The following EPCIP variants were observed in gnomAD, a reference collection of about 807,000 sequenced individuals.
The protein encoded by EPCIP is exosomal polycystin 1 interacting protein, also known as exosomal polycystin-1-interacting protein.
chr21:32,800,451 G>T, the EPCIP span, among the ~76,000 whole-genome samples: 1 of 152,182 alleles, frequency 6.6e-6, no homozygotes, highest in Admixed American at 6.5e-5. Context: ...AGTAGCTCTG[G>T]TTTTTAAACA....
At chr21:32,799,480 C>T in the EPCIP span, among the ~76,000 whole-genome samples, 2 of 152,146 alleles carry the variant, frequency 1.3e-5, no homozygotes, top group East Asian at 3.8e-4. Flanking sequence ...CAGTGTGTTC[C>T]TTGGGGTGCC....
At chr21:32,800,000 C>T in the EPCIP span, among the ~76,000 whole-genome samples, 108,677 of 151,732 alleles carry the variant, frequency 0.72, 39,722 homozygotes, top group East Asian at 0.91. Flanking sequence ...TTCCAAATTA[C>T]GTTTTTAAAT....
chr21:32,808,298 A>AG, the EPCIP span, among the ~76,000 whole-genome samples: 1 of 133,542 alleles, frequency 7.5e-6, no homozygotes, highest in African/African-American at 3.0e-5. Flanking sequence ...GAGATGAGAG[A>AG]AAAAAAAAAA....
chr21:32,793,915 G>A, the EPCIP span: 1 of 1,614,214 alleles, frequency 6.2e-7, no homozygotes, highest in Non-Finnish European at 8.5e-7. Flanking sequence ...CCATATCTAA[G>A]AATGAGATAT....
At chr21:32,794,916 C>G in the EPCIP span, among the ~76,000 whole-genome samples, 2 of 152,242 alleles carry the variant, frequency 1.3e-5, no homozygotes, top group South Asian at 4.1e-4. Flanking sequence ...TTTCCTCCCC[C>G]TCAATATCTG....
the EPCIP span, chr21:32,797,361 G>A: frequency 9.8e-6 from 2 of 205,028 alleles, no homozygotes; most frequent in Non-Finnish European, 2.0e-5. Context: ...CGATTGTCTT[G>A]TCTCAGCCTC....
chr21:32,807,014 A>C, the EPCIP span, among the ~76,000 whole-genome samples: 14 of 152,204 alleles, frequency 9.2e-5, no homozygotes, highest in African/African-American at 2.7e-4. Context: ...AAGCCATCAG[A>C]TCTCGCAAGA....
chr21:32,805,653 C>A, the EPCIP span, among the ~76,000 whole-genome samples: 1 of 152,080 alleles, frequency 6.6e-6, no homozygotes, highest in Non-Finnish European at 1.5e-5. Flanking sequence ...TAAGCCACTG[C>A]GCCTGGCCAA....
chr21:32,807,578 G>A, the EPCIP span: 12 of 152,332 alleles, frequency 7.9e-5, no homozygotes, highest in African/African-American at 2.9e-4. Context: ...ACCTGCCTCA[G>A]CCTCCCAAAG....
At chr21:32,800,823 C>CA in the EPCIP span, among the ~76,000 whole-genome samples, 46 of 20,426 alleles carry the variant, frequency 2.3e-3, no homozygotes, top group East Asian at 0.01. Flanking sequence ...AAAAAAAAAC[C>CA]AAAAAAAAAA....
At chr21:32,797,414 A>G in the EPCIP span, 7 of 171,396 alleles carry the variant, frequency 4.1e-5, no homozygotes, top group Non-Finnish European at 7.6e-5. Flanking sequence ...ATACCCGACT[A>G]ATTTTTGTAT....
At chr21:32,811,952 C>T in the EPCIP span, among the ~76,000 whole-genome samples, 4 of 152,216 alleles carry the variant, frequency 2.6e-5, no homozygotes, top group Non-Finnish European at 4.4e-5. Flanking sequence ...TGGAATGAAA[C>T]AGCAAGAATG....
the EPCIP span, among the ~76,000 whole-genome samples, chr21:32,811,682 C>T: frequency 4.2e-4 from 64 of 152,274 alleles, 1 homozygote; most frequent in South Asian, 1.0e-3. Flanking sequence ...AACCCTCATG[C>T]TAAATGCTAT....
At chr21:32,803,948 A>G in the EPCIP span, among the ~76,000 whole-genome samples, 3 of 152,316 alleles carry the variant, frequency 2.0e-5, no homozygotes, top group Admixed American at 1.3e-4. Context: ...ATGAGTTCCC[A>G]GTAATTCTGA....
chr21:32,804,947 G>A, the EPCIP span, among the ~76,000 whole-genome samples: 2 of 152,278 alleles, frequency 1.3e-5, no homozygotes, highest in South Asian at 4.1e-4. Flanking sequence ...GTTATAGTAG[G>A]TCAAATAATG....
At chr21:32,796,530 T>C in the EPCIP span, among the ~76,000 whole-genome samples, 5 of 152,342 alleles carry the variant, frequency 3.3e-5, no homozygotes, top group South Asian at 1.0e-3. Flanking sequence ...GAGTGCTTTG[T>C]ATCTATTTTG....
the EPCIP span, among the ~76,000 whole-genome samples, chr21:32,810,177 G>A: frequency 1.3e-5 from 2 of 149,146 alleles, no homozygotes; most frequent in Non-Finnish European, 3.0e-5. Flanking sequence ...CCTCCATGAT[G>A]TCACATTCTC....
At chr21:32,798,766 T>G in the EPCIP span, 1 of 151,994 alleles carries the variant, frequency 6.6e-6, no homozygotes, top group Non-Finnish European at 1.5e-5. Flanking sequence ...GAGTTCGAGA[T>G]CATTCTGGCC....
At chr21:32,810,614 T>C in the EPCIP span, 1 of 471,574 alleles carries the variant, frequency 2.1e-6, no homozygotes, top group Non-Finnish European at 4.4e-6. Context: ...CATGGCTGTC[T>C]TCTGTATGTG....
Sources: allele counts gnomAD v4.1 joint callset (sites outside exome capture counted in the v4.1 genomes callset), GRCh38; gene constraint gnomAD v4.1.1; transcripts MANE v1.5; gene names NCBI Gene and HGNC (gene_info 2026-07-23, HGNC 2026-07-21).